The following CATSPERG variants were observed in gnomAD, a reference collection of about 807,000 sequenced individuals.
The protein encoded by CATSPERG is cation channel sperm-associated auxiliary subunit gamma.
CATSPERG carries 115 observed loss-of-function variants against 145.0 expected under a neutral mutation model. That is an observed-to-expected ratio of 0.79 (90% confidence interval 0.68 to 0.93). The LOEUF is 0.93. Ranked by LOEUF, CATSPERG falls within the 40% of genes least tolerant of loss-of-function variation. CATSPERG has a pLI of 0.00. For synonymous variants in CATSPERG, 588 were observed against 589.0 expected (o/e 1.00, Z 0.02); for missense variants, 1,296 against 1,490.1 (o/e 0.87, Z 2.14).
chr19:38,355,121 G>C (rs1191319938), intron 9 of CATSPERG, among the ~76,000 whole-genome samples: 1 of 151,842 alleles, frequency 6.6e-6, no homozygotes, highest in African/African-American at 2.4e-5. Flanking sequence ...GAGGCAGGCG[G>C]ATCACTTGAG....
At position 38,352,427 on chromosome 19, in the gene CATSPERG, G is replaced by A. The variant is rs745349659; in HGVS notation, c.992G>A (p.Gly331Asp). ...ACCACACTCTATGAGAGAAACCGCG[G>A]CAGTGGTGAGTGTGCTGTGGCTGGA... The part of the protein sequence containing the change: ...TYTTLYERNR[G>D]SGSWIRVLAS... Residue 331 changes from glycine (G) to aspartate (D), a missense_variant, in exon 8 of 29, where the codon GGC becomes GAC. By Grantham distance (94) the Gly-to-Asp change is moderately conservative (BLOSUM62 -1). Transcript: ENST00000409235. 1.9e-6 allele frequency: 3 copies of A among 1,551,770 alleles called. No individual in the cohort carries two copies. Among genetic ancestry groups the A allele is most frequent in the Admixed American group, 3.9e-5 (2 of 50,958 alleles).
Position 38,362,571 on chromosome 19 carries a change from C to A in CATSPERG, c.2353C>A (p.Leu785Ile). The stretch of plus-strand genomic sequence containing the variant: ...CCACTCGTTCCGGACGCAGTCAGAA[C>A]TCGGTCTGCGCGGGACCAGAGTGGA... ...QGHSFRTQSE[L>I]GTAFQLHSQV... The change falls in exon 19 of 29, where the codon CTC becomes ATC. Residue 785 changes from leucine (L) to isoleucine (I), a missense_variant. Transcript: ENST00000409235. 6.2e-7 allele frequency: 1 copy of A among 1,613,874 alleles called. No homozygotes were observed. The highest frequency in any genetic ancestry group is 1.3e-5 in the African/African-American group (1 of 75,058).
At chr19:38,352,493 A>G (rs1970159839) in intron 8 of CATSPERG, 61 bp downstream of exon 8, 2 of 1,440,760 alleles carry the variant, frequency 1.4e-6, no homozygotes, top group Non-Finnish European at 1.9e-6. Flanking sequence ...CCCTCCACTG[A>G]AGGTGGCTGG....
At chr19:38,362,693 C>T (rs1477084034) in intron 19 of CATSPERG, 21 bp from the exon 20 acceptor site, 6 of 1,612,936 alleles carry the variant, frequency 3.7e-6, no homozygotes, top group Non-Finnish European at 4.2e-6. Context: ...AGGCCTTAAC[C>T]CCGTTTACTG....
intron 3 of CATSPERG, among the ~76,000 whole-genome samples, chr19:38,340,616 G>A (rs534199541): frequency 2.0e-5 from 3 of 151,908 alleles, no homozygotes; most frequent in African/African-American, 4.8e-5. Context: ...CACCGCGCCC[G>A]GCCAATAATT....
intron 22 of CATSPERG, chr19:38,366,437 G>A: frequency 6.5e-6 from 1 of 152,710 alleles, no homozygotes; most frequent in East Asian, 1.9e-4. Flanking sequence ...GGGCAAGGGG[G>A]AACGTGGTGG....
chr19:38,357,371 AAAG>A, intron 11 of CATSPERG, among the ~76,000 whole-genome samples: 1 of 151,440 alleles, frequency 6.6e-6, no homozygotes, highest in South Asian at 2.1e-4. Flanking sequence ...AAAAAAAAAA[AAAG>A]TAGCTGAGTA....
intron 7 of CATSPERG, among the ~76,000 whole-genome samples, chr19:38,347,564 T>G (rs1378069638): frequency 6.6e-6 from 1 of 152,192 alleles, no homozygotes; most frequent in Non-Finnish European, 1.5e-5. Flanking sequence ...ATCTTTTGGC[T>G]TCAGCGACAG....
rs775488746 is a variant in CATSPERG, at chr19:38,337,569, G to C, written c.271-24G>C. 1.5e-5 allele frequency: 24 copies of C among 1,551,798 alleles called. No individual in the cohort carries two copies. In the South Asian group the frequency reaches 2.7e-4, roughly 18 times the overall value. ...ACCCGCACTCCACTCATTTCTGGAC[G>C]TGTGGCCTAACCTCTCTTTGCAGAA... On this transcript the variant is annotated intron_variant, in intron 2 of 28. Transcript: ENST00000409235.
At position 38,358,440 on chromosome 19, in the gene CATSPERG, T is replaced by C. The variant is rs1335367424; in HGVS notation, c.1375T>C (p.Leu459=). 3.7e-6 allele frequency: 6 copies of C among 1,614,176 alleles called. No individual in the cohort carries two copies. The highest frequency in any genetic ancestry group is 5.1e-6 in the Non-Finnish European group (6 of 1,180,014). The part of the protein sequence containing the change: ...IPEFIPEARG[L]EFLMILGTES... ...TCCTCTGCTCCGGTCAGCTCGAGGA[T>C]TGGAGTTCCTGATGATCCTAGGGAC... The change falls in exon 13 of 29, where the codon TTG becomes CTG. Residue 459 remains leucine (L), a synonymous_variant. Transcript: ENST00000409235.
rs1343417125 is a variant in CATSPERG at position 38,356,509 on chromosome 19, G to GA, written c.1161_1162insA (p.Pro388ThrfsTer21). On this transcript the variant is annotated frameshift_variant, in exon 10 of 29. Coordinates refer to ENST00000409235, the MANE Select transcript of CATSPERG (RefSeq NM_021185.5). LOFTEE classifies it high-confidence loss of function. ...ATGGCCAGGTGTCCTTTGAGATGCT[G>GA]CCCAGGCAGTGGTCTGTGTGCGAGC... The GA allele has an allele frequency of 6.2e-7, 1 of 1,613,896 alleles. No individual in the cohort carries two copies. Among genetic ancestry groups the GA allele is most frequent in the African/African-American group, 1.3e-5 (1 of 74,896 alleles).
At chr19:38,348,438 G>A (rs1018392346) in intron 7 of CATSPERG, among the ~76,000 whole-genome samples, 2 of 148,522 alleles carry the variant, frequency 1.3e-5, no homozygotes, top group African/African-American at 5.0e-5. Context: ...TGGGATCACC[G>A]TGCCTGGCCA....
At chr19:38,344,171 C>T (rs1969986638) in intron 5 of CATSPERG, 52 bp downstream of exon 5, 2 of 1,549,320 alleles carry the variant, frequency 1.3e-6, no homozygotes, top group African/African-American at 1.4e-5. Flanking sequence ...AATTCCTCAC[C>T]CCAGGGTCCC....
intron 26 of CATSPERG, among the ~76,000 whole-genome samples, chr19:38,368,780 A>T (rs981995773): frequency 2.0e-5 from 3 of 152,164 alleles, no homozygotes; most frequent in Non-Finnish European, 4.4e-5. Context: ...CTCCTGCCTC[A>T]GCCTCCCAAG....
At chr19:38,358,582 G>T in intron 13 of CATSPERG, 21 bp downstream of exon 13, 2 of 1,613,870 alleles carry the variant, frequency 1.2e-6, no homozygotes, top group South Asian at 1.1e-5. Flanking sequence ...ACCACCCCTG[G>T]GTGGGCCAGG....
intron 6 of CATSPERG, among the ~76,000 whole-genome samples, chr19:38,345,256 G>C (rs1264365933): frequency 6.6e-6 from 1 of 150,958 alleles, no homozygotes; most frequent in Non-Finnish European, 1.5e-5. Flanking sequence ...ACCACGCCCT[G>C]CTAATAATTT....
At chr19:38,345,433 T>C (rs1412785919) in intron 6 of CATSPERG, among the ~76,000 whole-genome samples, 1 of 151,958 alleles carries the variant, frequency 6.6e-6, no homozygotes, top group Non-Finnish European at 1.5e-5. Flanking sequence ...GCTCAAGTGA[T>C]CCGCCTACCT....
chr19:38,348,122 T>C (rs575149495), intron 7 of CATSPERG, among the ~76,000 whole-genome samples: 1 of 152,240 alleles, frequency 6.6e-6, no homozygotes, highest in South Asian at 2.1e-4. Flanking sequence ...GCTTTCTCTG[T>C]TCTGAGCCAA....
chr19:38,364,955 C>T lies in CATSPERG; in HGVS notation c.2540C>T (p.Thr847Ile). 6.2e-7 allele frequency: 1 copy of T among 1,613,886 alleles called. No individual in the cohort carries two copies. The highest frequency in any genetic ancestry group is 8.5e-7 in the Non-Finnish European group (1 of 1,179,746). ...ATTAGTGGACATCACCTTATGGAGA[C>T]TTCCATGACGGTCAATGTGAGGTCC... ...QGISGHHLMETSMTVNVVGSS... is the reference protein window; with the variant it reads ...QGISGHHLMEISMTVNVVGSS... Residue 847 changes from threonine (T) to isoleucine (I), a missense_variant, in exon 21 of 29, where the codon ACT becomes ATT. By Grantham distance (89) the Thr-to-Ile change is moderately conservative. Transcript: ENST00000409235.
Sources: allele counts gnomAD v4.1 joint callset (sites outside exome capture counted in the v4.1 genomes callset), GRCh38; gene constraint gnomAD v4.1.1; transcripts MANE v1.5; gene names NCBI Gene and HGNC (gene_info 2026-07-23, HGNC 2026-07-21).